The following EVL variants were observed in gnomAD, a reference collection of about 807,000 sequenced individuals.
EVL encodes ena/VASP-like protein.
Under a neutral mutation model 59.6 loss-of-function variants are expected in EVL, and 21 were observed. That is an observed-to-expected ratio of 0.35 (90% confidence interval 0.25 to 0.51). The LOEUF is 0.51. Ranked by LOEUF, EVL falls within the 20% of genes least tolerant of loss-of-function variation. The pLI is 0.97. For missense variants in EVL, 462 were observed against 546.6 expected (o/e 0.85, Z 1.54); for synonymous variants, 198 against 203.5 (o/e 0.97, Z 0.23).
chr14:100,137,950 A>G, intron 11 of EVL, 148 bp downstream of exon 11: 1 of 738,412 alleles, frequency 1.4e-6, no homozygotes, highest in South Asian at 1.7e-5. Context: ...CAGACCCAGG[A>G]CCTCGGGGTC....
intron 2 of EVL, among the ~76,000 whole-genome samples, chr14:100,092,920 A>T (rs2062595244): frequency 6.6e-6 from 1 of 152,242 alleles, no homozygotes; most frequent in African/African-American, 2.4e-5. Context: ...AGAAATAAGA[A>T]ACATGGTTAT....
intron 3 of EVL, among the ~76,000 whole-genome samples, chr14:100,121,291 C>T (rs1346370288): frequency 6.6e-6 from 1 of 152,176 alleles, no homozygotes; most frequent in Non-Finnish European, 1.5e-5. Context: ...TCCCTCCCCC[C>T]GACTGCCACG....
At chr14:100,047,117 TC>T (rs1352671377) in intron 1 of EVL, among the ~76,000 whole-genome samples, 553 of 6,622 alleles carry the variant, frequency 0.084, 82 homozygotes, top group Middle Eastern at 0.21. Context: ...GATCTCTCTC[TC>T]TTTTTTTTTT....
upstream of EVL, among the ~76,000 whole-genome samples, chr14:100,063,450 A>G (rs1202773024): frequency 2.0e-5 from 3 of 152,246 alleles, no homozygotes; most frequent in East Asian, 1.9e-4. Flanking sequence ...CTCTAAGATA[A>G]TAAGTGTGTG....
At chr14:100,085,765 A>G (rs1282290591) in intron 2 of EVL, among the ~76,000 whole-genome samples, 1 of 152,130 alleles carries the variant, frequency 6.6e-6, no homozygotes, top group African/African-American at 2.4e-5. Flanking sequence ...TTTAATCGAA[A>G]TAGCCCTATT....
At chr14:100,137,167 C>T (rs1888848241) in intron 9 of EVL, 2 of 236,820 alleles carry the variant, frequency 8.4e-6, no homozygotes, top group East Asian at 1.8e-4. Flanking sequence ...CAGAGCCAGG[C>T]GCAGCATGGG....
intron 1 of EVL, among the ~76,000 whole-genome samples, chr14:100,058,960 A>C (rs2061777461): frequency 6.6e-6 from 1 of 152,236 alleles, no homozygotes; most frequent in Non-Finnish European, 1.5e-5. Context: ...CGTGTGAAGG[A>C]CAGAGGAAAT....
chr14:100,141,941 TG>T, intron 13 of EVL, 148 bp downstream of exon 13: 1 of 580,192 alleles, frequency 1.7e-6, no homozygotes, highest in Non-Finnish European at 2.8e-6. Context: ...CATCTCTAGT[TG>T]AGGAAACAGG....
chr14:100,039,662 A>G (rs1370011458), intron 1 of EVL, among the ~76,000 whole-genome samples: 2 of 152,378 alleles, frequency 1.3e-5, no homozygotes, highest in African/African-American at 4.8e-5. Context: ...ATAAACAACA[A>G]CAGTGAAGTT....
At chr14:100,125,195 C>CACACACACA (rs61456003) in intron 4 of EVL, among the ~76,000 whole-genome samples, 1 of 138,518 alleles carries the variant, frequency 7.2e-6, no homozygotes, top group African/African-American at 2.7e-5. Context: ...CACACACACA[C>CACACACACA]CTGCCCCAAG....
rs926177553 is a variant in EVL at position 100,108,466 on chromosome 14, C to T, written c.358+10808C>T. On this transcript the variant is annotated intron_variant, in intron 3 of 13. Transcript: ENST00000392920. The surrounding 1 kb of genome is among the most constrained non-coding windows in gnomAD (Gnocchi z 4.1). The stretch of plus-strand genomic sequence containing the variant: ...CTGAGGGGAACAGGACGGCAAGCCC[C>T]TGGCCTCCTGCCTGCTCCCAGCTGC... 9.2e-5 allele frequency among the ~76,000 whole-genome samples: 14 copies of T among 152,224 alleles called. No individual in the cohort carries two copies. The highest frequency in any genetic ancestry group is 3.4e-4 in the African/African-American group (14 of 41,458).
chr14:100,105,190 C>T (rs1248654941), intron 3 of EVL, among the ~76,000 whole-genome samples: 1 of 152,276 alleles, frequency 6.6e-6, no homozygotes, highest in Non-Finnish European at 1.5e-5. Flanking sequence ...CCTACTAGCA[C>T]GCTAGTCCTG....
rs745323906 is a variant in EVL, at chr14:100,132,815, A to G, written c.900+36A>G. On this transcript the variant is annotated intron_variant, in intron 8 of 13. Coordinates refer to ENST00000392920, the MANE Select transcript of EVL (RefSeq NM_016337.3). ...AGCCCGCCCCACCCTCAGGCTCCCC[A>G]CTGAGATGAGCGCATCGCCAGGGAG... The G allele has an allele frequency of 1.9e-5, 31 of 1,610,804 alleles. No homozygotes were observed. In the African/African-American group the frequency reaches 3.3e-4, roughly 17 times the overall value.
At chr14:100,055,196 T>TAAAAA (rs34987173) in intron 1 of EVL, among the ~76,000 whole-genome samples, 1 of 139,820 alleles carries the variant, frequency 7.2e-6, no homozygotes, top group African/African-American at 2.6e-5. Context: ...TGAGACTCCT[T>TAAAAA]AAAAAAAAAA....
chr14:99,974,813 C>A (rs1046558327), intron 1 of EVL: 8 of 152,356 alleles, frequency 5.3e-5, no homozygotes, highest in African/African-American at 1.9e-4. Context: ...TCCCCAATGG[C>A]AACAAGTGCC....
chr14:100,030,123 G>A lies in EVL; in HGVS notation c.6-54564G>A, dbSNP rs144116964. Among the ~76,000 whole-genome samples, 889 of 139,022 alleles carry A rather than the reference G, an allele frequency of 6.4e-3. 10 individuals carry two copies. Among genetic ancestry groups the A allele is most frequent in the African/African-American group, 0.023 (819 of 34,980 alleles). 91.2% of individuals were successfully genotyped at this position (139,022 alleles called of 152,430 possible). On this transcript the variant is annotated intron_variant, in intron 1 of 13. Transcript: ENST00000402714. ...TTTTTTTTTTTTGAGGTGGAGTTTC[G>A]TTCTTGTTGCCCAGGCTGGGGTACA...
chr14:99,989,920 C>A lies in EVL; in HGVS notation c.5+17863C>A, dbSNP rs540265341. ...GCAATTTATTGAATTACTAAACTAG[C>A]CCTAGTTATTTCTTCCTTCTTCTTA... On this transcript the variant is annotated intron_variant, in intron 1 of 13. Transcript: ENST00000402714. Among the ~76,000 whole-genome samples the A allele has an allele frequency of 3.3e-5, 5 of 152,290 alleles. No homozygotes were observed. In the South Asian group the frequency reaches 8.3e-4, roughly 25 times the overall value.
At chr14:100,032,119 G>A (rs2061323690) in intron 1 of EVL, among the ~76,000 whole-genome samples, 1 of 152,212 alleles carries the variant, frequency 6.6e-6, no homozygotes. Context: ...GTATTTTTAT[G>A]AGCAGGGCAA....
intron 2 of EVL, among the ~76,000 whole-genome samples, chr14:100,091,085 C>T (rs1429385901): frequency 1.3e-5 from 2 of 152,166 alleles, no homozygotes; most frequent in Admixed American, 6.5e-5. Flanking sequence ...TTTTCATCGA[C>T]GCTTCCTAGC....
Sources: gnomAD v4.1 joint callset for allele counts (sites outside exome capture counted in the v4.1 genomes callset) on GRCh38, gnomAD v4.1.1 for gene constraint, Gnocchi (gnomAD v3.1) non-coding constraint, MANE v1.5 for transcripts, NCBI Gene and HGNC (gene_info 2026-07-23, HGNC 2026-07-21) for gene names.